TNS1: variants seen among roughly 807,000 people sequenced by gnomAD.
TNS1 encodes the protein tensin 1, also known as tensin-1.
TNS1 carries 62 observed loss-of-function variants against 168.6 expected under a neutral mutation model. That is an observed-to-expected ratio of 0.37 (90% CI 0.30 to 0.45). The LOEUF (loss-of-function observed/expected upper bound fraction) is 0.45, where lower values mean the gene tolerates loss of function less well. TNS1 is among the 20% of genes least tolerant of loss of function. The probability of loss-of-function intolerance (pLI) is 1.00; values close to 1 mark genes in which losing one functional copy is unlikely to be tolerated. For synonymous variants in TNS1, 934 were observed against 933.2 expected (o/e 1.00, Z -0.02); for missense variants, 2,240 against 2,339.4 (o/e 0.96, Z 0.88).
chr2:217,879,774 C>T (rs977716268), intron 18 of TNS1, among the ~76,000 whole-genome samples: 2 of 152,196 alleles, frequency 1.3e-5, no homozygotes, highest in Non-Finnish European at 2.9e-5. Flanking sequence ...AGACAGAAGA[C>T]AGCGCCGTGT....
intron 12 of TNS1, chr2:217,890,706 A>T: frequency 1.8e-6 from 1 of 546,434 alleles, no homozygotes; most frequent in East Asian, 3.1e-5. Context: ...ATGCTTCCCC[A>T]TGAAGGTTGC....
intron 2 of TNS1, among the ~76,000 whole-genome samples, chr2:217,987,983 G>C (rs996073564): frequency 2.0e-5 from 3 of 152,190 alleles, no homozygotes; most frequent in Admixed American, 1.3e-4. Flanking sequence ...AGTGAACCCA[G>C]TAGCCCCAGC....
chr2:217,887,544 G>A (rs551465058), intron 12 of TNS1, among the ~76,000 whole-genome samples: 8 of 152,318 alleles, frequency 5.3e-5, no homozygotes, highest in Admixed American at 2.6e-4. Flanking sequence ...CCAACCTCAG[G>A]TGATCAGCCC....
intron 23 of TNS1, among the ~76,000 whole-genome samples, chr2:217,820,776 C>T (rs921173120): frequency 4.6e-5 from 7 of 152,136 alleles, no homozygotes; most frequent in Non-Finnish European, 1.0e-4. Flanking sequence ...CCCACTACCC[C>T]AGTCAAGCAG....
At chr2:217,992,646 C>T (rs1958397878) in intron 1 of TNS1, 1 of 151,942 alleles carries the variant, frequency 6.6e-6, no homozygotes, top group Admixed American at 6.6e-5. Context: ...GAGAGGGGGA[C>T]AGAGAGAAAG....
At chr2:217,842,657 A>T (rs1455810242) in intron 19 of TNS1, among the ~76,000 whole-genome samples, 1 of 152,094 alleles carries the variant, frequency 6.6e-6, no homozygotes, top group African/African-American at 2.4e-5. Context: ...TTGGGCCCAA[A>T]TCCTTCCTAA....
chr2:217,929,313 G>T (rs2125895557), intron 3 of TNS1, among the ~76,000 whole-genome samples: 1 of 152,314 alleles, frequency 6.6e-6, no homozygotes, highest in African/African-American at 2.4e-5. Context: ...CCCCTAATCA[G>T]GGAAGCTGGG....
intron 1 of TNS1, among the ~76,000 whole-genome samples, chr2:218,016,553 C>G (rs1244797986): frequency 2.6e-5 from 4 of 152,170 alleles, no homozygotes; most frequent in Admixed American, 2.0e-4. Context: ...AACCCCAGGA[C>G]TCTCCAGTGC....
intron 1 of TNS1, among the ~76,000 whole-genome samples, chr2:217,996,779 A>G (rs1958477809): frequency 6.6e-6 from 1 of 151,890 alleles, no homozygotes; most frequent in Non-Finnish European, 1.5e-5. Context: ...TCGCCCCTAC[A>G]CAGCCTCCCA....
Position 217,866,422 on chromosome 2 carries a change from C to CT in TNS1, c.1429+14475dup, listed in dbSNP as rs1201192198. Among the ~76,000 whole-genome samples the CT allele has an allele frequency of 7.2e-5, 11 of 152,268 alleles. No individual in the cohort carries two copies. The South Asian group carries it at 1.2e-3, about 17-fold the overall frequency. ...CCTGTATCTCCTCTCCTGCTTGGAC[C>CT]TGCCCGGGTGGCTTCAGGCTCCAAA... On this transcript the variant is annotated intron_variant, in intron 18 of 32. Transcript: ENST00000682258.
At chr2:217,900,842 T>G (rs936086486) in intron 6 of TNS1, among the ~76,000 whole-genome samples, 33 of 152,120 alleles carry the variant, frequency 2.2e-4, no homozygotes, top group African/African-American at 7.7e-4. Context: ...ACACTTCACT[T>G]TGATACACTC....
At chr2:218,006,208 G>C (rs1363183218), upstream of TNS1, among the ~76,000 whole-genome samples, 1 of 152,256 alleles carries the variant, frequency 6.6e-6, no homozygotes, top group African/African-American at 2.4e-5. Context: ...GGGGCTGGAG[G>C]AGGGTGGAGC....
chr2:217,873,800 C>T (rs1174298528), intron 18 of TNS1, among the ~76,000 whole-genome samples: 1 of 152,178 alleles, frequency 6.6e-6, no homozygotes, highest in Non-Finnish European at 1.5e-5. Flanking sequence ...AGCCAGAGGG[C>T]ATTCAATGCC....
chr2:217,848,050 G>A lies in TNS1; in HGVS notation c.2467C>T (p.Arg823Ter), dbSNP rs1946912973. 6.5e-7 allele frequency: 1 copy of A among 1,528,942 alleles called. No homozygotes were observed. Among genetic ancestry groups the A allele is most frequent in the Non-Finnish European group, 8.8e-7 (1 of 1,137,976 alleles). The allele number at this position is 1,528,942 out of a possible 1,614,324, so 94.7% of individuals were successfully genotyped here. A position where few individuals can be genotyped will look rare whatever the true frequency, so the allele number is the denominator to read the frequency against. Reference protein sequence around the residue: ...TPIPSLPEFPRAASQQEIEQS... With the variant: ...TPIPSLPEFP Reference sequence around the variant, plus strand: ...TCAATCTCCTGCTGGGAGGCTGCTCGCGGGAACTCAGGGAGACTGGGGATG... The same window carrying A: ...TCAATCTCCTGCTGGGAGGCTGCTCACGGGAACTCAGGGAGACTGGGGATG... The change falls in exon 19 of 33, where the codon CGA becomes TGA. Residue 823 changes from arginine (R) to a stop codon, truncating the protein, a stop_gained. Coordinates refer to ENST00000682258, the MANE Select transcript of TNS1 (RefSeq NM_001387777.1). LOFTEE classifies it high-confidence loss of function.
In TNS1 at chr2:217,948,387, G is replaced by A. The variant is rs549615732; in HGVS notation, c.187-28151C>T. Among the ~76,000 whole-genome samples the A allele has an allele frequency of 1.1e-4, 16 of 152,282 alleles. No individual in the cohort carries two copies. The highest frequency in any genetic ancestry group is 7.8e-4 in the Admixed American group (12 of 15,300). ...CAAGGGGAGAGGCCACTGGGGCACCGCTCTGCTTCCTTCCCAAGATGTCCT... is the reference window on the plus strand; with the variant it reads ...CAAGGGGAGAGGCCACTGGGGCACCACTCTGCTTCCTTCCCAAGATGTCCT... On this transcript the variant is annotated intron_variant, in intron 3 of 32. Transcript: ENST00000682258. The surrounding 1 kb of genome is among the most constrained non-coding windows in gnomAD (Gnocchi z 4.1).
chr2:217,906,278 C>T (rs1953686153), intron 6 of TNS1, 57 bp downstream of exon 6: 4 of 668,772 alleles, frequency 6.0e-6, no homozygotes, highest in Non-Finnish European at 1.1e-5. Context: ...CACCCCACCC[C>T]ATTCCCCCTG....
chr2:217,863,183 G>A (rs981773537), intron 18 of TNS1, among the ~76,000 whole-genome samples: 1 of 152,128 alleles, frequency 6.6e-6, no homozygotes, highest in Admixed American at 6.6e-5. Flanking sequence ...AAGCAGCCGG[G>A]TCCCAGAACA....
chr2:217,885,486 C>A (rs1951106603), intron 15 of TNS1, among the ~76,000 whole-genome samples: 1 of 152,224 alleles, frequency 6.6e-6, no homozygotes. Context: ...GTCCTTGTCA[C>A]CAATAAGAAG....
upstream of TNS1, among the ~76,000 whole-genome samples, chr2:218,007,859 C>T (rs540848807): frequency 8.5e-4 from 129 of 152,260 alleles, no homozygotes; most frequent in African/African-American, 3.0e-3. Context: ...CCATCCATGC[C>T]CTACCCACCA....
Sources: allele counts gnomAD v4.1 joint callset (sites outside exome capture counted in the v4.1 genomes callset), GRCh38; gene constraint gnomAD v4.1.1; non-coding constraint Gnocchi (gnomAD v3.1); transcripts MANE v1.5; gene names NCBI Gene and HGNC (gene_info 2026-07-23, HGNC 2026-07-21).